ANO6: variants seen among roughly 807,000 people sequenced by gnomAD.
ANO6 encodes anoctamin-6.
Under a neutral mutation model 117.5 loss-of-function variants are expected in ANO6, and 106 were observed. The observed-to-expected ratio is 0.90, with a 90% CI of 0.77 to 1.06. The LOEUF is 1.06. Ranked by LOEUF, ANO6 falls within the 50% of genes least tolerant of loss-of-function variation. The pLI is 0.00. For missense variants in ANO6, 955 were observed against 1,121.1 expected (o/e 0.85, Z 2.12); for synonymous variants, 367 against 385.1 (o/e 0.95, Z 0.55).
chr12:45,408,018 T>C (rs546475253), intron 15 of ANO6, among the ~76,000 whole-genome samples: 1 of 152,170 alleles, frequency 6.6e-6, no homozygotes, highest in African/African-American at 2.4e-5. Context: ...TTCCCCTGAG[T>C]AAAGCTTCAG....
chr12:45,258,497 T>C (rs1039225416), intron 1 of ANO6, among the ~76,000 whole-genome samples: 16 of 152,272 alleles, frequency 1.1e-4, no homozygotes, highest in African/African-American at 2.9e-4. Context: ...CCACGTTCCC[T>C]ACCTCATTTG....
intron 7 of ANO6, among the ~76,000 whole-genome samples, chr12:45,353,991 G>T (rs1375854895): frequency 6.6e-6 from 1 of 152,150 alleles, no homozygotes; most frequent in Non-Finnish European, 1.5e-5. Flanking sequence ...TAAAAAATTA[G>T]ATCAGTCCAG....
intron 8 of ANO6, among the ~76,000 whole-genome samples, chr12:45,366,532 A>T (rs1229265411): frequency 6.6e-6 from 1 of 152,182 alleles, no homozygotes; most frequent in Non-Finnish European, 1.5e-5. Flanking sequence ...CAGCTTTGGT[A>T]TAAATCAGTT....
At chr12:45,436,907 A>G (rs1255521080), downstream of ANO6, among the ~76,000 whole-genome samples, 1 of 152,184 alleles carries the variant, frequency 6.6e-6, no homozygotes, top group East Asian at 1.9e-4. Context: ...CAGAGGTTAC[A>G]GTGAGCTGAA....
intron 1 of ANO6, among the ~76,000 whole-genome samples, chr12:45,257,901 T>C (rs1293212660): frequency 6.6e-6 from 1 of 152,240 alleles, no homozygotes; most frequent in East Asian, 1.9e-4. Flanking sequence ...GCTCTCTATA[T>C]GGGAAAACAA....
intron 1 of ANO6, among the ~76,000 whole-genome samples, chr12:45,221,081 A>G (rs1947390995): frequency 6.6e-6 from 1 of 151,808 alleles, no homozygotes; most frequent in Admixed American, 6.6e-5. Context: ...GCCTTGTAGG[A>G]CTGAGCCCTC....
chr12:45,423,156 C>T (rs535737107), intron 19 of ANO6, 94 bp downstream of exon 19: 1,004 of 919,460 alleles, frequency 1.1e-3, no homozygotes, highest in Non-Finnish European at 1.6e-3. Flanking sequence ...ATGTGTGATA[C>T]TTTCTTCTTA....
At chr12:45,439,992 A>G in exon 20 of ANO6, 1 of 1,429,184 alleles carries the variant, frequency 7.0e-7, no homozygotes, top group Non-Finnish European at 9.2e-7. Flanking sequence ...TGTGGCCAGC[A>G]TTGTTTCATG....
intron 1 of ANO6, among the ~76,000 whole-genome samples, chr12:45,247,666 G>T (rs560912495): frequency 6.6e-6 from 1 of 152,160 alleles, no homozygotes; most frequent in African/African-American, 2.4e-5. Flanking sequence ...TATGGTGAGG[G>T]CACTCTTCCT....
At chr12:45,419,256 C>T (rs182277265) in intron 17 of ANO6, among the ~76,000 whole-genome samples, 7 of 152,316 alleles carry the variant, frequency 4.6e-5, no homozygotes, top group Admixed American at 3.9e-4. Flanking sequence ...CAGCATGTCT[C>T]TCAGAGCAGC....
chr12:45,337,568 C>T (rs1940862343), intron 3 of ANO6, among the ~76,000 whole-genome samples: 2 of 151,846 alleles, frequency 1.3e-5, no homozygotes, highest in South Asian at 2.1e-4. Flanking sequence ...AAATAGTATT[C>T]GATGCTTACA....
chr12:45,297,259 C>T (rs1283044699), intron 1 of ANO6, among the ~76,000 whole-genome samples: 1 of 152,140 alleles, frequency 6.6e-6, no homozygotes, highest in Non-Finnish European at 1.5e-5. Flanking sequence ...CAACCACCTG[C>T]CATGCTAGTG....
intron 9 of ANO6, among the ~76,000 whole-genome samples, chr12:45,371,925 G>A (rs1438236331): frequency 6.6e-6 from 1 of 151,788 alleles, no homozygotes; most frequent in African/African-American, 2.4e-5. Context: ...GCTACGGGAG[G>A]ACATTCAAAC....
chr12:45,296,617 T>C (rs983311802), intron 1 of ANO6, among the ~76,000 whole-genome samples: 1 of 152,242 alleles, frequency 6.6e-6, no homozygotes, highest in African/African-American at 2.4e-5. Flanking sequence ...TTATATACAA[T>C]ACTATTCTAA....
At chr12:45,285,750 A>G (rs1372238141) in intron 1 of ANO6, among the ~76,000 whole-genome samples, 1 of 151,898 alleles carries the variant, frequency 6.6e-6, no homozygotes, top group Non-Finnish European at 1.5e-5. Context: ...AAGAAAAAGA[A>G]AAAAAAAGGC....
At chr12:45,381,698 C>G (rs1371390874) in intron 10 of ANO6, among the ~76,000 whole-genome samples, 1 of 152,192 alleles carries the variant, frequency 6.6e-6, no homozygotes, top group Non-Finnish European at 1.5e-5. Context: ...CTATGTCTTG[C>G]TTGCATTGCA....
intron 1 of ANO6, among the ~76,000 whole-genome samples, chr12:45,290,610 A>G (rs1023509998): frequency 6.6e-6 from 1 of 152,232 alleles, no homozygotes; most frequent in African/African-American, 2.4e-5. Context: ...TTATTGGAAC[A>G]TATTTCTACA....
chr12:45,327,579 G>A (rs1940512790), intron 2 of ANO6, among the ~76,000 whole-genome samples: 1 of 152,116 alleles, frequency 6.6e-6, no homozygotes, highest in Non-Finnish European at 1.5e-5. Flanking sequence ...TATTACACAT[G>A]TTGTAAAGCT....
At chr12:45,354,793 G>T (rs866302119) in intron 7 of ANO6, among the ~76,000 whole-genome samples, 1 of 152,192 alleles carries the variant, frequency 6.6e-6, no homozygotes. Context: ...ATTCAGCTGT[G>T]AATAGTGTTT....
Sources: gnomAD v4.1 joint callset for allele counts (sites outside exome capture counted in the v4.1 genomes callset) on GRCh38, gnomAD v4.1.1 for gene constraint, MANE v1.5 for transcripts, NCBI Gene and HGNC (gene_info 2026-07-23, HGNC 2026-07-21) for gene names.